The following AJAP1 variants were observed in gnomAD, a reference collection of about 807,000 sequenced individuals.
The protein encoded by AJAP1 is adherens junction-associated protein 1.
A neutral mutation model predicts 35.0 loss-of-function variants in AJAP1; 5 were observed. The ratio of observed to expected loss-of-function variants is 0.14; its 90% CI spans 0.07 to 0.30. The LOEUF (loss-of-function observed/expected upper bound fraction) is 0.30. Ranked by LOEUF, AJAP1 falls within the 10% of genes least tolerant of loss-of-function variation. The probability of loss-of-function intolerance (pLI) is 1.00; values close to 1 mark genes in which losing one functional copy is unlikely to be tolerated. For synonymous variants in AJAP1, 284 were observed against 249.3 expected (o/e 1.14, Z -1.31); for missense variants, 586 against 571.0 (o/e 1.03, Z -0.27).
At position 4,772,205 on chromosome 1, in the gene AJAP1, A is replaced by G. The variant is rs2100362330; in HGVS notation, c.918-75A>G. 3.2e-6 allele frequency: 5 copies of G among 1,586,976 alleles called. No individual in the cohort carries two copies. In the South Asian group the frequency reaches 4.5e-5, roughly 14 times the overall value. ...TCACGCCTGCAAGCGAAAGACCCAC[A>G]GTGGAAGTCTGGAGTTGTGTTTGTG... is the stretch of plus-strand genomic sequence containing the variant. On this transcript the variant is annotated intron_variant, in intron 3 of 5. Coordinates refer to ENST00000378191, the MANE Select transcript of AJAP1 (RefSeq NM_018836.4).
intron 2 of AJAP1, among the ~76,000 whole-genome samples, chr1:4,716,761 T>C (rs958840969): frequency 6.6e-6 from 1 of 151,792 alleles, no homozygotes; most frequent in Non-Finnish European, 1.5e-5. Context: ...GAGATAGTGA[T>C]GATAGTGATG....
At chr1:4,730,999 A>G (rs78449074) in intron 2 of AJAP1, among the ~76,000 whole-genome samples, 8,024 of 152,212 alleles carry the variant, frequency 0.053, 307 homozygotes, top group Non-Finnish European at 0.084. Flanking sequence ...GAGATTGCAA[A>G]TGTTTTCACC....
At position 4,655,529 on chromosome 1, in the gene AJAP1, A is replaced by G. The variant is rs1049646780; in HGVS notation, c.29+75A>G. ...CTGGGCGGAAGCGGCGCTTTCCTCT[A>G]TGTTGCAAATCAAGGGACCCCTCTT... On this transcript the variant is annotated intron_variant, in intron 1 of 5. Coordinates refer to ENST00000378191, the MANE Select transcript of AJAP1 (RefSeq NM_018836.4). The surrounding 1 kb of genome is among the most constrained non-coding windows in gnomAD (Gnocchi z 6.9). The G allele has an allele frequency of 1.0e-4, 153 of 1,505,714 alleles. No individual in the cohort carries two copies. Among genetic ancestry groups the G allele is most frequent in the African/African-American group, 2.6e-4 (18 of 69,148 alleles). 93.3% of individuals were successfully genotyped at this position (1,505,714 alleles called of 1,614,324 possible). A position where few individuals can be genotyped will look rare whatever the true frequency, so the allele number is the denominator to read the frequency against.
chr1:4,772,757 G>A (rs1557649343), intron 4 of AJAP1, among the ~76,000 whole-genome samples: 1 of 152,210 alleles, frequency 6.6e-6, no homozygotes, highest in Non-Finnish European at 1.5e-5. Context: ...TTTCCTTCCA[G>A]ACCCCTGGAC....
chr1:4,753,081 CCTT>C (rs1369697355), intron 2 of AJAP1, among the ~76,000 whole-genome samples: 1 of 44,644 alleles, frequency 2.2e-5, no homozygotes, highest in Non-Finnish European at 5.0e-5. Context: ...TGAATCTTCT[CCTT>C]CTTTTACGGC....
At chr1:4,732,967 T>TC (rs1367590944) in intron 2 of AJAP1, among the ~76,000 whole-genome samples, 1 of 152,160 alleles carries the variant, frequency 6.6e-6, no homozygotes, top group Non-Finnish European at 1.5e-5. Flanking sequence ...GGGTCCAAAT[T>TC]CCCCACAAAT....
At chr1:4,737,953 T>C (rs1640967567) in intron 2 of AJAP1, among the ~76,000 whole-genome samples, 4 of 152,140 alleles carry the variant, frequency 2.6e-5, no homozygotes, top group Admixed American at 2.6e-4. Context: ...TTTGCACCCA[T>C]GGTTCCATGT....
rs1032017116 is a variant in AJAP1, at chr1:4,724,791, G to A, written c.829+12092G>A. On this transcript the variant is annotated intron_variant, in intron 2 of 5. Transcript: ENST00000378191. ...GGGCTTAGAGACAGCTGCAGGGAACGGGTTCCTAAGTGCTGAAAGCCATGC... is the reference window on the plus strand; with the variant it reads ...GGGCTTAGAGACAGCTGCAGGGAACAGGTTCCTAAGTGCTGAAAGCCATGC... 2.6e-5 allele frequency among the ~76,000 whole-genome samples: 4 copies of A among 151,932 alleles called. No homozygotes were observed. In the South Asian group the frequency reaches 8.3e-4, roughly 32 times the overall value.
At position 4,782,364 on chromosome 1, in the gene AJAP1, C is replaced by T. The variant is rs918861480; in HGVS notation, c.*60-181C>T. 1.3e-5 allele frequency among the ~76,000 whole-genome samples: 2 copies of T among 152,160 alleles called. No individual in the cohort carries two copies. The highest frequency in any genetic ancestry group is 1.9e-4 in the East Asian group (1 of 5,172). On this transcript the variant is annotated intron_variant, in intron 5 of 5. Coordinates refer to ENST00000378191, the MANE Select transcript of AJAP1 (RefSeq NM_018836.4). This position sits in a 1 kb window ranked among gnomAD's most constrained non-coding sequence, Gnocchi z 5.3. ...TTCTTCCAGTTCCTGCTGACCAGTT[C>T]TAGTGAGGCCTTGTCCACGTTCCAA... is the stretch of plus-strand genomic sequence containing the variant.
At chr1:4,663,343 ACC>A (rs1639044002) in intron 1 of AJAP1, among the ~76,000 whole-genome samples, 2 of 43,648 alleles carry the variant, frequency 4.6e-5, no homozygotes, top group East Asian at 6.4e-4. Context: ...TGTGGAAAGC[ACC>A]TCCAGAAAGC....
intron 2 of AJAP1, among the ~76,000 whole-genome samples, chr1:4,765,206 A>G (rs1557645428): frequency 6.6e-6 from 1 of 152,176 alleles, no homozygotes; most frequent in Non-Finnish European, 1.5e-5. Flanking sequence ...CTGAATTGCA[A>G]AGAGTTTGAA....
At chr1:4,708,740 A>T (rs1640157040) in intron 1 of AJAP1, among the ~76,000 whole-genome samples, 1 of 152,242 alleles carries the variant, frequency 6.6e-6, no homozygotes, top group Non-Finnish European at 1.5e-5. Context: ...GTGGCAATGC[A>T]GAGCCTGGGG....
intron 1 of AJAP1, among the ~76,000 whole-genome samples, chr1:4,682,910 A>T (rs989961661): frequency 5.3e-5 from 8 of 152,220 alleles, no homozygotes; most frequent in African/African-American, 1.9e-4. Flanking sequence ...GATGATGCTG[A>T]TGGTGATGAT....
intron 2 of AJAP1, among the ~76,000 whole-genome samples, chr1:4,749,424 G>A (rs1323433955): frequency 6.6e-6 from 1 of 152,214 alleles, no homozygotes; most frequent in Non-Finnish European, 1.5e-5. Context: ...TGTAAAAAGC[G>A]AGACACGAGA....
chr1:4,712,569 T>C lies in AJAP1; in HGVS notation c.699T>C (p.Thr233=). ...TTTATPMTLQ[T]KGFTESLDPR... is the part of the protein sequence containing the mutation. Reference sequence around the variant, plus strand: ...CGGCCACCCCCATGACGCTGCAGACTAAGGGGTTCACCGAGTCCTTGGATC... The same window carrying C: ...CGGCCACCCCCATGACGCTGCAGACCAAGGGGTTCACCGAGTCCTTGGATC... The change falls in exon 2 of 6, where the codon ACT becomes ACC. Residue 233 remains threonine (T), a synonymous_variant. Transcript: ENST00000378191. 6.2e-7 allele frequency: 1 copy of C among 1,611,014 alleles called. No homozygotes were observed. The highest frequency in any genetic ancestry group is 1.1e-5 in the South Asian group (1 of 90,348).
At chr1:4,686,789 C>T (rs367708648) in intron 1 of AJAP1, among the ~76,000 whole-genome samples, 83 of 152,320 alleles carry the variant, frequency 5.4e-4, no homozygotes, top group African/African-American at 1.6e-3. Flanking sequence ...GGCTCTGGAG[C>T]GAGGTGAGCC....
Position 4,694,746 on chromosome 1 carries a change from G to T in AJAP1, c.30-17154G>T, listed in dbSNP as rs575010905. Among the ~76,000 whole-genome samples, 335 of 152,328 alleles carry T rather than the reference G, an allele frequency of 2.2e-3. 4 individuals carry two copies. The highest frequency in any genetic ancestry group is 0.02 in the Middle Eastern group (6 of 294). ...GCTGCAGAGAGCAGGTGCGCAGCTG[G>T]GGGTGGGACCTACAGCCAGCAGGTA... is the stretch of plus-strand genomic sequence containing the variant. On this transcript the variant is annotated intron_variant, in intron 1 of 5. Coordinates refer to ENST00000378191, the MANE Select transcript of AJAP1 (RefSeq NM_018836.4).
At chr1:4,687,617 G>A (rs892893622) in intron 1 of AJAP1, among the ~76,000 whole-genome samples, 1 of 152,158 alleles carries the variant, frequency 6.6e-6, no homozygotes, top group Admixed American at 6.5e-5. Flanking sequence ...TAGGAAAATA[G>A]GACATTGGCA....
intron 1 of AJAP1, among the ~76,000 whole-genome samples, chr1:4,680,834 T>C (rs114533913): frequency 0.011 from 1,727 of 152,314 alleles, 40 homozygotes; most frequent in African/African-American, 0.04. Flanking sequence ...CAAACATCTT[T>C]CTAGTGGTGT....
Sources: allele counts gnomAD v4.1 joint callset (sites outside exome capture counted in the v4.1 genomes callset), GRCh38; gene constraint gnomAD v4.1.1; non-coding constraint Gnocchi (gnomAD v3.1); transcripts MANE v1.5; gene names NCBI Gene and HGNC (gene_info 2026-07-23, HGNC 2026-07-21).